The following PLEKHD1 variants were observed in gnomAD, a reference collection of about 807,000 sequenced individuals.
PLEKHD1 encodes the protein pleckstrin homology and coiled-coil domain containing D1.
In PLEKHD1, 51 loss-of-function variants were observed where a neutral mutation model predicts 69.2. That is an observed-to-expected ratio of 0.74 (90% confidence interval 0.59 to 0.93). PLEKHD1 has a LOEUF of 0.93. PLEKHD1 is among the 40% of genes least tolerant of loss of function. The pLI, the probability that PLEKHD1 is intolerant of heterozygous loss-of-function variation, is 0.00. For missense variants in PLEKHD1, 584 were observed against 641.0 expected (o/e 0.91, Z 0.96); for synonymous variants, 236 against 244.7 (o/e 0.96, Z 0.33).
At chr14:69,469,162 ACACT>A in the PLEKHD1 span, among the ~76,000 whole-genome samples, 1 of 152,090 alleles carries the variant, frequency 6.6e-6, no homozygotes, top group Non-Finnish European at 1.5e-5. Flanking sequence ...GCATAAGCAA[ACACT>A]CACACATGTA....
At chr14:69,512,444 CT>C (rs1025380767) in intron 6 of PLEKHD1, among the ~76,000 whole-genome samples, 5 of 150,456 alleles carry the variant, frequency 3.3e-5, no homozygotes, top group African/African-American at 9.7e-5. Flanking sequence ...TTAATTTTCT[CT>C]TTTTTTTTCT....
At position 69,505,128 on chromosome 14, in the gene PLEKHD1, C is replaced by T. The variant is rs556507514; in HGVS notation, c.555+2249C>T. On this transcript the variant is annotated intron_variant, in intron 6 of 12. Coordinates refer to ENST00000322564, the MANE Select transcript of PLEKHD1 (RefSeq NM_001161498.2). ...CCACAGCACAGGGAAGGAGGGAGGC[C>T]TGTCAGCTGTGAACTCCCTGGCTTT... Among the ~76,000 whole-genome samples, 198 of 152,288 alleles carry T rather than the reference C, an allele frequency of 1.3e-3. 2 individuals carry two copies. Among genetic ancestry groups the T allele is most frequent in the African/African-American group, 4.7e-3 (194 of 41,572 alleles).
At chr14:69,487,809 C>G (rs1184793877) in intron 1 of PLEKHD1, among the ~76,000 whole-genome samples, 1 of 152,192 alleles carries the variant, frequency 6.6e-6, no homozygotes, top group Non-Finnish European at 1.5e-5. Flanking sequence ...GTGCAAAGAC[C>G]TGGGCAGTGC....
At chr14:69,513,632 T>C (rs1182166899) in intron 6 of PLEKHD1, among the ~76,000 whole-genome samples, 3 of 152,234 alleles carry the variant, frequency 2.0e-5, no homozygotes, top group Non-Finnish European at 1.5e-5. Flanking sequence ...TATAAAAGTA[T>C]GGAGTCCTTC....
At chr14:69,502,437 A>G (rs919702276) in intron 5 of PLEKHD1, 2 of 258,350 alleles carry the variant, frequency 7.7e-6, no homozygotes, top group Non-Finnish European at 1.5e-5. Flanking sequence ...CTGCTTAGAC[A>G]CTTGGGGCCC....
At chr14:69,472,812 G>A in the PLEKHD1 span, among the ~76,000 whole-genome samples, 1 of 152,194 alleles carries the variant, frequency 6.6e-6, no homozygotes, top group Non-Finnish European at 1.5e-5. Context: ...CCACAGACCA[G>A]TACTGGTCCT....
intron 1 of PLEKHD1, among the ~76,000 whole-genome samples, chr14:69,486,532 G>A (rs542736020): frequency 6.6e-6 from 1 of 152,160 alleles, no homozygotes; most frequent in Non-Finnish European, 1.5e-5. Context: ...GAGAGCTGGG[G>A]TGGAAAGGCT....
chr14:69,485,322 T>C (rs1215058809), intron 1 of PLEKHD1, among the ~76,000 whole-genome samples: 2 of 152,178 alleles, frequency 1.3e-5, no homozygotes, highest in Admixed American at 1.3e-4. Context: ...CCTGGGGCGG[T>C]GGCAAATTCT....
intron 6 of PLEKHD1, among the ~76,000 whole-genome samples, chr14:69,512,245 T>C (rs1469623303): frequency 1.3e-5 from 2 of 152,156 alleles, no homozygotes; most frequent in African/African-American, 2.4e-5. Flanking sequence ...TTATGTTCCC[T>C]CTTTCATTTC....
chr14:69,470,154 AAGAC>A, the PLEKHD1 span, among the ~76,000 whole-genome samples: 1 of 152,120 alleles, frequency 6.6e-6, no homozygotes, highest in Non-Finnish European at 1.5e-5. Context: ...AAAGAAAACT[AAGAC>A]AGGCTTTAAG....
intron 10 of PLEKHD1, 25 bp from the exon 11 acceptor site, chr14:69,527,163 C>T: frequency 6.6e-7 from 1 of 1,509,176 alleles, no homozygotes; most frequent in Admixed American, 2.4e-5. Flanking sequence ...TGACTTCCTT[C>T]TCATTTCCCT....
In PLEKHD1 at chr14:69,528,310, AG is replaced by A; in HGVS notation, c.1414del (p.Glu472ArgfsTer124). On this transcript the variant is annotated frameshift_variant, in exon 13 of 13. Transcript: ENST00000322564. LOFTEE classifies it high-confidence loss of function. ...GATGCCAACAACATGGAGGAGCTAA[AG>A]GAGGTGGCCAAGCGGCTCAGCAGGG... ...QLDANNMEEL[K>X]EVAKRLSRDQ... is the part of the protein sequence containing the mutation. The A allele has an allele frequency of 6.4e-7, 1 of 1,551,716 alleles. No individual in the cohort carries two copies. Among genetic ancestry groups the A allele is most frequent in the Non-Finnish European group, 8.7e-7 (1 of 1,146,988 alleles).
chr14:69,522,375 G>A lies in PLEKHD1; in HGVS notation c.648G>A (p.Lys216=). The A allele has an allele frequency of 1.9e-6, 3 of 1,551,504 alleles. No individual in the cohort carries two copies. Among genetic ancestry groups the A allele is most frequent in the Non-Finnish European group, 2.6e-6 (3 of 1,146,886 alleles). ...TGAGAATGGAGCAGGAGCAGATCAA[G>A]AGGTGGTGGTGGTGCCTGGGAATTG... The part of the protein sequence containing the change: ...QELRMEQEQI[K]RELELTARCL... Residue 216 remains lysine (K), a splice_region_variant and synonymous_variant, in exon 7 of 13, where the codon AAG becomes AAA. Coordinates refer to ENST00000322564, the MANE Select transcript of PLEKHD1 (RefSeq NM_001161498.2).
chr14:69,495,821 C>T (rs1397175574), intron 1 of PLEKHD1, among the ~76,000 whole-genome samples: 1 of 152,212 alleles, frequency 6.6e-6, no homozygotes, highest in Non-Finnish European at 1.5e-5. Flanking sequence ...TGGACCCATG[C>T]CCACTCCCAA....
intron 1 of PLEKHD1, among the ~76,000 whole-genome samples, chr14:69,492,096 C>T (rs184696333): frequency 1.4e-3 from 212 of 152,284 alleles, no homozygotes; most frequent in African/African-American, 5.0e-3. Context: ...CACTCTGCCC[C>T]GCTCTGTCCC....
At chr14:69,496,296 A>C (rs768574599) in intron 1 of PLEKHD1, among the ~76,000 whole-genome samples, 5 of 152,184 alleles carry the variant, frequency 3.3e-5, no homozygotes, top group Admixed American at 6.5e-5. Flanking sequence ...GGAAGGCATA[A>C]AGGTATTTAT....
intron 6 of PLEKHD1, among the ~76,000 whole-genome samples, chr14:69,520,853 G>T (rs763701664): frequency 1.3e-5 from 2 of 152,214 alleles, no homozygotes; most frequent in African/African-American, 4.8e-5. Context: ...CCTCTTAAAG[G>T]CAACTGCCTA....
At chr14:69,500,254 G>A (rs1015363572) in intron 2 of PLEKHD1, 46 bp downstream of exon 2, 10 of 1,412,260 alleles carry the variant, frequency 7.1e-6, no homozygotes, top group Admixed American at 6.0e-5. Flanking sequence ...GGCCCAGTGC[G>A]GGCATCAGAG....
chr14:69,504,852 T>G (rs1170462889), intron 6 of PLEKHD1, among the ~76,000 whole-genome samples: 1 of 152,232 alleles, frequency 6.6e-6, no homozygotes, highest in Non-Finnish European at 1.5e-5. Flanking sequence ...GTTAGGGTTT[T>G]GGCATTTTCT....
Sources: allele counts gnomAD v4.1 joint callset (sites outside exome capture counted in the v4.1 genomes callset), GRCh38; gene constraint gnomAD v4.1.1; transcripts MANE v1.5; gene names NCBI Gene and HGNC (gene_info 2026-07-23, HGNC 2026-07-21).